NEB: variants seen among roughly 807,000 people sequenced by gnomAD.
NEB encodes nemaline myopathy type 2.
NEB carries 512 observed loss-of-function variants against 952.2 expected under a neutral mutation model. The observed-to-expected ratio is 0.54, with a 90% CI of 0.50 to 0.58. The LOEUF (loss-of-function observed/expected upper bound fraction) is 0.58. Among genes scored for constraint, NEB ranks in the 20% least tolerant of loss-of-function variants. The pLI, the probability that NEB is intolerant of heterozygous loss-of-function variation, is 0.00. For missense variants in NEB, 8,428 were observed against 9,231.1 expected (o/e 0.91, Z 3.56); for synonymous variants, 2,900 against 3,149.8 (o/e 0.92, Z 2.66).
chr2:151,486,661 T>TGGGTAGTAACAAGAATG (rs567125126), intron 181 of NEB: 2 of 152,246 alleles, frequency 1.3e-5, no homozygotes, highest in South Asian at 2.1e-4. Flanking sequence ...GATCTATTAT[T>TGGGTAGTAACAAGAATG]GGGTAGTAAC....
intron 130 of NEB, among the ~76,000 whole-genome samples, 162 bp from the exon 131 acceptor site, chr2:151,548,577 C>T (rs2094992107): frequency 6.6e-6 from 1 of 152,088 alleles, no homozygotes; most frequent in South Asian, 2.1e-4. Context: ...TTAATCCAGG[C>T]CTTGAAAATT....
intron 11 of NEB, among the ~76,000 whole-genome samples, chr2:151,710,133 A>G (rs544004969): frequency 9.9e-5 from 15 of 152,242 alleles, no homozygotes; most frequent in Non-Finnish European, 1.8e-4. Context: ...GGCAAAGAAT[A>G]ATTAAAAAGA....
intron 77 of NEB, among the ~76,000 whole-genome samples, chr2:151,613,290 T>G (rs746152457): frequency 6.6e-6 from 1 of 152,212 alleles, no homozygotes; most frequent in Non-Finnish European, 1.5e-5. Flanking sequence ...TCTTCATATG[T>G]ATAATTCATT....
At chr2:151,577,157 C>T (rs567919770) in intron 105 of NEB, among the ~76,000 whole-genome samples, 5 of 152,266 alleles carry the variant, frequency 3.3e-5, no homozygotes, top group Admixed American at 1.3e-4. Flanking sequence ...AATTCAAATC[C>T]GATGTCACAA....
intron 81 of NEB, among the ~76,000 whole-genome samples, chr2:151,608,999 A>G (rs2097812256): frequency 7.2e-6 from 1 of 139,730 alleles, no homozygotes; most frequent in Admixed American, 7.2e-5. Flanking sequence ...GCAGGCCTTC[A>G]GCACTGAAAC....
rs745898708 is a variant in NEB at position 151,643,941 on chromosome 2, C to T, written c.7833G>A (p.Leu2611=). 1.9e-6 allele frequency: 3 copies of T among 1,613,884 alleles called. No individual in the cohort carries two copies. The highest frequency in any genetic ancestry group is 1.7e-6 in the Non-Finnish European group (2 of 1,179,832). The change falls in exon 57 of 182, where the codon TTG becomes TTA. Residue 2611 remains leucine, a synonymous_variant. Coordinates refer to ENST00000397345, the MANE Select transcript of NEB (RefSeq NM_001164508.2). ...TGACTAAGGTCTGGCACTTCTTGGC[C>T]AACACCACCCCCAGCATGTCCACTG... is the stretch of plus-strand genomic sequence containing the variant. ...SSPVDMLGVV[L]AKKCQTLVSD...
intron 12 of NEB, among the ~76,000 whole-genome samples, chr2:151,708,332 T>G (rs1211056370): frequency 6.6e-6 from 1 of 152,226 alleles, no homozygotes; most frequent in Non-Finnish European, 1.5e-5. Flanking sequence ...TTCCCTCTTT[T>G]CATTCACTTG....
rs762809955 is a variant in NEB, at chr2:151,672,517, G to C, written c.4151C>G (p.Pro1384Arg). ...YENTKTSYHT[P>R]GDMVSITAAK... ...AGCTGTGATGCTAACCATGTCCCCAGGGGTATGGTAGCTGGTTTTGGTGTT... is the reference window on the plus strand; with the variant it reads ...AGCTGTGATGCTAACCATGTCCCCACGGGTATGGTAGCTGGTTTTGGTGTT... The change falls in exon 37 of 182, where the codon CCT becomes CGT. Residue 1384 changes from proline to arginine, a missense_variant. By Grantham distance (103) the Pro-to-Arg change is moderately radical (BLOSUM62 -2). Around this residue, in one of 11 missense-constraint regions of NEB, gnomAD observed 2,851 missense variants for 2,791.5 expected, o/e 1.02. Transcript: ENST00000397345. 3.7e-6 allele frequency: 6 copies of C among 1,613,870 alleles called. No individual in the cohort carries two copies. In the East Asian group the frequency reaches 1.1e-4, roughly 30 times the overall value.
At chr2:151,684,040 T>C (rs562250972) in intron 28 of NEB, among the ~76,000 whole-genome samples, 11 of 152,220 alleles carry the variant, frequency 7.2e-5, no homozygotes, top group Admixed American at 2.6e-4. Flanking sequence ...AAGCGTAGAT[T>C]GGTGGTTGCC....
rs1190631266 is a variant in NEB, at chr2:151,553,480, T to C, written c.19649A>G (p.Asn6550Ser). The part of the protein sequence containing the change: ...ISDIVYKDDL[N>S]WLKGIGCYVW... ...GTAGCAACCAATGCCTTTCAGCCAG[T>C]TGAGGTCATCCTTGTATACAATCTA... Residue 6550 changes from asparagine to serine, a missense_variant, in exon 127 of 182, where the codon AAC becomes AGC. Physicochemically the swap from Asn to Ser is conservative, Grantham distance 46. Coordinates refer to ENST00000397345, the MANE Select transcript of NEB (RefSeq NM_001164508.2). 1.2e-6 allele frequency: 2 copies of C among 1,613,346 alleles called. No individual in the cohort carries two copies. The highest frequency in any genetic ancestry group is 1.7e-6 in the Non-Finnish European group (2 of 1,179,404).
intron 105 of NEB, among the ~76,000 whole-genome samples, chr2:151,579,080 C>CAAAAA (rs1159995102): frequency 3.2e-5 from 1 of 31,712 alleles, no homozygotes; most frequent in African/African-American, 1.4e-4. Context: ...GACTCCATCT[C>CAAAAA]AAAAAAAAAA....
At chr2:151,615,782 T>G in intron 76 of NEB, 1 of 422,496 alleles carries the variant, frequency 2.4e-6, no homozygotes, top group Non-Finnish European at 4.1e-6. Context: ...AAACACTTTT[T>G]AAAAAATAGT....
intron 168 of NEB, among the ~76,000 whole-genome samples, chr2:151,500,076 T>C (rs1373863526): frequency 6.6e-6 from 1 of 152,166 alleles, no homozygotes; most frequent in African/African-American, 2.4e-5. Flanking sequence ...TGCAAGCCTT[T>C]CAATAAAAGG....
At chr2:151,715,308 A>G (rs1421070677) in intron 10 of NEB, among the ~76,000 whole-genome samples, 2 of 152,256 alleles carry the variant, frequency 1.3e-5, no homozygotes, top group Admixed American at 6.5e-5. Flanking sequence ...TAATCAACAT[A>G]AAAATATTAA....
At position 151,570,385 on chromosome 2, in the gene NEB, T is replaced by A. The variant is rs1393239200; in HGVS notation, c.17126A>T (p.Tyr5709Phe). Reference protein sequence around the residue: ...ASREIASDYKYKLDHEKQKGH... With the variant: ...ASREIASDYKFKLDHEKQKGH... ...CTTCTGCTTCTCATGGTCAAGCTTATATTTATACTGGAGATGCAAAAATAA... is the reference window on the plus strand; with the variant it reads ...CTTCTGCTTCTCATGGTCAAGCTTAAATTTATACTGGAGATGCAAAAATAA... Residue 5709 changes from tyrosine (Y) to phenylalanine (F), a missense_variant, in exon 109 of 182, where the codon TAT (tyrosine) becomes TTT (phenylalanine). By Grantham distance (22) the Tyr-to-Phe change is conservative (BLOSUM62 3). This residue lies in a region of NEB where 3,374 missense variants were observed against 3,651.5 expected (regional missense o/e 0.92). Coordinates refer to ENST00000397345, the MANE Select transcript of NEB (RefSeq NM_001164508.2). 2 of 1,576,740 alleles carry A rather than the reference T, an allele frequency of 1.3e-6. No individual in the cohort carries two copies. Among genetic ancestry groups the A allele is most frequent in the African/African-American group, 2.7e-5 (2 of 73,318 alleles).
Position 151,643,821 on chromosome 2 carries a change from G to A in NEB, c.7953C>T (p.Ser2651=), listed in dbSNP as rs183764569. ...CAAAGGAAAATCTTAGACTCACATCGCTCTGGAGGTCATAGGCCTGCCGAG... is the reference window on the plus strand; with the variant it reads ...CAAAGGAAAATCTTAGACTCACATCACTCTGGAGGTCATAGGCCTGCCGAG... ...IHARQAYDLQ[S]DNLYKSDLQW... is the part of the protein sequence containing the mutation. The change falls in exon 57 of 182, where the codon AGC becomes AGT. Residue 2651 remains serine, a synonymous_variant. Transcript: ENST00000397345. 132 of 1,612,232 alleles carry A rather than the reference G, an allele frequency of 8.2e-5. No individual in the cohort carries two copies. In the East Asian group the frequency reaches 1.9e-3, roughly 24 times the overall value.
Position 151,643,964 on chromosome 2 carries a change from C to T in NEB, c.7810G>A (p.Val2604Met). 1 of 1,613,970 alleles carries T rather than the reference C, an allele frequency of 6.2e-7. No homozygotes were observed. Among genetic ancestry groups the T allele is most frequent in the Non-Finnish European group, 8.5e-7 (1 of 1,179,876 alleles). ...EKWKTKFSSP[V>M]DMLGVVLAKK... ...GCCAACACCACCCCCAGCATGTCCA[C>T]TGGGCTGCTGAACTTGGTCTTCCAC... Residue 2604 changes from valine (V) to methionine (M), a missense_variant, in exon 57 of 182, where the codon GTG (valine) becomes ATG (methionine). Around this residue, in one of 11 missense-constraint regions of NEB, gnomAD observed 1,772 missense variants for 1,960.3 expected, o/e 0.90. Transcript: ENST00000397345.
chr2:151,552,494 A>G (rs2095399212), intron 128 of NEB, among the ~76,000 whole-genome samples, 178 bp downstream of exon 128: 1 of 152,216 alleles, frequency 6.6e-6, no homozygotes, highest in African/African-American at 2.4e-5. Flanking sequence ...AACTGCTTGA[A>G]TGCATCAGGT....
chr2:151,567,949 G>A (rs73967566), intron 113 of NEB, 122 bp downstream of exon 113: 17,367 of 694,272 alleles, frequency 0.025, 921 homozygotes, highest in East Asian at 0.14. Flanking sequence ...CACCAAGCCT[G>A]GCCAGGTCTG....
Sources: allele counts gnomAD v4.1 joint callset (sites outside exome capture counted in the v4.1 genomes callset), GRCh38; gene constraint gnomAD v4.1.1; regional missense constraint gnomAD v4.1.1; transcripts MANE v1.5; gene names NCBI Gene and HGNC (gene_info 2026-07-23, HGNC 2026-07-21).